Variants in FMN1 observed in about 807,000 individuals in gnomAD.
FMN1 encodes formin 1.
FMN1 carries 110 observed loss-of-function variants against 132.4 expected under a neutral mutation model. The observed-to-expected ratio is 0.83, with a 90% CI of 0.71 to 0.97. FMN1 has a LOEUF of 0.97. FMN1 is among the 50% of genes least tolerant of loss of function. The probability of loss-of-function intolerance (pLI) is 0.00; values close to 1 mark genes in which losing one functional copy is unlikely to be tolerated. For missense variants in FMN1, 1,792 were observed against 1,705.3 expected, an observed-to-expected ratio of 1.05 and a Z score of -0.90; for synonymous variants, 722 against 651.7, an observed-to-expected ratio of 1.11 and a Z score of -1.64.
At chr15:33,125,256 AAG>A in intron 4 of FMN1, among the ~76,000 whole-genome samples, 1 of 152,314 alleles carries the variant, frequency 6.6e-6, no homozygotes, top group South Asian at 2.1e-4. Context: ...ACCTCTCTCA[AAG>A]ACTCTTGTAA....
chr15:33,077,991 G>A (rs1343159194), intron 5 of FMN1, among the ~76,000 whole-genome samples: 1 of 152,150 alleles, frequency 6.6e-6, no homozygotes, highest in Non-Finnish European at 1.5e-5. Flanking sequence ...GGAAACAACA[G>A]GTGCTGGAGA....
intron 6 of FMN1, among the ~76,000 whole-genome samples, chr15:33,038,060 T>C (rs1198762886): frequency 6.6e-6 from 1 of 152,110 alleles, no homozygotes. Context: ...CCATCTCTAC[T>C]AAAAATATTA....
At chr15:32,821,861 A>C (rs1305746340) in intron 17 of FMN1, among the ~76,000 whole-genome samples, 3 of 152,036 alleles carry the variant, frequency 2.0e-5, no homozygotes, top group East Asian at 1.9e-4. Flanking sequence ...TTTTCCTTTC[A>C]TTCTCCTCCT....
chr15:32,908,622 A>T lies in FMN1; in HGVS notation c.3289-44T>A, dbSNP rs762141540. 1.6e-4 allele frequency: 161 copies of T among 995,232 alleles called. No individual in the cohort carries two copies. The East Asian group carries it at 4.1e-3, about 25-fold the overall frequency. 61.7% of individuals were successfully genotyped at this position (995,232 alleles called of 1,614,324 possible). A position where few individuals can be genotyped will look rare whatever the true frequency, so the allele number is the denominator to read the frequency against. On this transcript the variant is annotated intron_variant, in intron 11 of 20. Coordinates refer to ENST00000616417, the MANE Select transcript of FMN1 (RefSeq NM_001277313.2). ...CAAAACCAAAAAAAAAAAAAAAAAA[A>T]AGGGAAGTGAGACTCTGGCTATGGC...
At chr15:33,061,926 G>A (rs2037503447) in intron 6 of FMN1, among the ~76,000 whole-genome samples, 1 of 152,038 alleles carries the variant, frequency 6.6e-6, no homozygotes, top group Non-Finnish European at 1.5e-5. Context: ...AACCCTTTAA[G>A]AAACGTGAAA....
At chr15:33,124,716 G>A (rs1962884976) in intron 4 of FMN1, among the ~76,000 whole-genome samples, 1 of 152,094 alleles carries the variant, frequency 6.6e-6, no homozygotes, top group African/African-American at 2.4e-5. Context: ...AAGTCTGGAA[G>A]GAGAGGGAGG....
At chr15:33,106,515 A>G (rs1290441452) in intron 4 of FMN1, among the ~76,000 whole-genome samples, 2 of 152,074 alleles carry the variant, frequency 1.3e-5, no homozygotes, top group African/African-American at 4.8e-5. Context: ...ACTTCTCAGG[A>G]GCATCCAGCA....
intron 2 of FMN1, among the ~76,000 whole-genome samples, chr15:33,190,816 C>T (rs1315608559): frequency 6.6e-6 from 1 of 152,188 alleles, no homozygotes; most frequent in African/African-American, 2.4e-5. Flanking sequence ...AGTCAGCATT[C>T]TGGCGGTCCC....
chr15:33,190,990 G>A (rs753237777), intron 2 of FMN1, among the ~76,000 whole-genome samples: 3 of 152,150 alleles, frequency 2.0e-5, no homozygotes, highest in Non-Finnish European at 1.5e-5. Context: ...CTAACACGGT[G>A]AAACCCCATC....
At chr15:33,184,794 G>A (rs552962072) in intron 2 of FMN1, among the ~76,000 whole-genome samples, 36 of 152,116 alleles carry the variant, frequency 2.4e-4, no homozygotes, top group Non-Finnish European at 4.1e-4. Context: ...AAGAACCACC[G>A]CGCCCAGCTA....
intron 4 of FMN1, among the ~76,000 whole-genome samples, chr15:33,118,107 A>G (rs2039997462): frequency 1.3e-5 from 2 of 152,230 alleles, no homozygotes; most frequent in Admixed American, 1.3e-4. Flanking sequence ...AAATGTAAAT[A>G]CATGTGCATG....
intron 6 of FMN1, among the ~76,000 whole-genome samples, chr15:33,058,015 G>C (rs2037304056): frequency 6.6e-6 from 1 of 151,088 alleles, no homozygotes. Context: ...GCGTGGCGGG[G>C]CTGGTAGTGG....
intron 9 of FMN1, among the ~76,000 whole-genome samples, chr15:32,955,798 TGTGTGC>T (rs1030181681): frequency 1.5e-4 from 21 of 144,312 alleles, no homozygotes; most frequent in Middle Eastern, 7.2e-3. Context: ...TTTAAAGATG[TGTGTGC>T]GTGTGCGTGT....
At chr15:32,843,752 G>C (rs13380293) in intron 17 of FMN1, among the ~76,000 whole-genome samples, 2,601 of 152,282 alleles carry the variant, frequency 0.017, 72 homozygotes, top group African/African-American at 0.06. Context: ...GAAAGGGGAA[G>C]TAGTAAATAG....
chr15:33,100,981 C>T (rs1276472695), intron 4 of FMN1, among the ~76,000 whole-genome samples: 1 of 152,100 alleles, frequency 6.6e-6, no homozygotes, highest in East Asian at 1.9e-4. Context: ...ATTTTAAACA[C>T]ATAAAAGAGA....
intron 6 of FMN1, among the ~76,000 whole-genome samples, chr15:33,056,808 T>C (rs2037238156): frequency 6.6e-6 from 1 of 152,184 alleles, no homozygotes; most frequent in South Asian, 2.1e-4. Context: ...TAGCAACATA[T>C]ATGATTCTCA....
At chr15:32,938,018 G>A (rs1247012384) in intron 9 of FMN1, among the ~76,000 whole-genome samples, 1 of 152,084 alleles carries the variant, frequency 6.6e-6, no homozygotes, top group Non-Finnish European at 1.5e-5. Flanking sequence ...AGGGTGTGAG[G>A]AGAATGTATT....
At chr15:32,938,867 GT>G (rs2061338504) in intron 9 of FMN1, among the ~76,000 whole-genome samples, 1 of 151,778 alleles carries the variant, frequency 6.6e-6, no homozygotes, top group Non-Finnish European at 1.5e-5. Flanking sequence ...TCTTTATATT[GT>G]TTTTGCTATA....
chr15:32,866,209 C>G (rs1415017721), intron 16 of FMN1, among the ~76,000 whole-genome samples: 1 of 148,574 alleles, frequency 6.7e-6, no homozygotes, highest in Non-Finnish European at 1.5e-5. Flanking sequence ...CACATGTACC[C>G]TAGAACTTAA....
Sources: gnomAD v4.1 joint callset for allele counts (sites outside exome capture counted in the v4.1 genomes callset) on GRCh38, gnomAD v4.1.1 for gene constraint, MANE v1.5 for transcripts, NCBI Gene and HGNC (gene_info 2026-07-23, HGNC 2026-07-21) for gene names.